The following SLU7 variants were observed in gnomAD, a reference collection of about 807,000 sequenced individuals.
The protein encoded by SLU7 is spliceosome associated SLU7.
A neutral mutation model predicts 87.0 loss-of-function variants in SLU7; 60 were observed. That is an observed-to-expected ratio of 0.69 (90% CI 0.56 to 0.86). The LOEUF is 0.86. Ranked by LOEUF, SLU7 falls within the 40% of genes least tolerant of loss-of-function variation. The pLI is 0.00. For missense variants in SLU7, 507 were observed against 686.6 expected, an observed-to-expected ratio of 0.74 and a Z score of 2.92; for synonymous variants, 197 against 222.0, an observed-to-expected ratio of 0.89 and a Z score of 1.00.
chr5:160,417,581 A>C (rs1765507408), intron 1 of SLU7, among the ~76,000 whole-genome samples: 1 of 152,138 alleles, frequency 6.6e-6, no homozygotes, highest in Admixed American at 6.5e-5. Flanking sequence ...TGAGGTAAGG[A>C]GTTTGAGACC....
intron 5 of SLU7, among the ~76,000 whole-genome samples, chr5:160,412,968 GA>G: frequency 6.6e-6 from 1 of 151,954 alleles, no homozygotes; most frequent in Non-Finnish European, 1.5e-5. Context: ...GTGTGACTAT[GA>G]CTTCAAAGGA....
At chr5:160,411,580 T>C (rs1247500661) in intron 6 of SLU7, among the ~76,000 whole-genome samples, 2 of 152,234 alleles carry the variant, frequency 1.3e-5, no homozygotes, top group African/African-American at 4.8e-5. Context: ...GTAGGTTACC[T>C]TAGTAACTCG....
At position 160,410,906 on chromosome 5, in the gene SLU7, G is replaced by A. The variant is rs146521220; in HGVS notation, c.639+1545C>T. 3.2e-3 allele frequency among the ~76,000 whole-genome samples: 482 copies of A among 148,532 alleles called. 1 individual carries two copies. Among genetic ancestry groups the A allele is most frequent in the Middle Eastern group, 0.01 (3 of 286 alleles). The stretch of plus-strand genomic sequence containing the variant: ...TTTTGAGACGGAGTCTCACTCTGTC[G>A]CCCAGGCTGGAGTGCAGCGGCATGA... On this transcript the variant is annotated intron_variant, in intron 6 of 15. Coordinates refer to ENST00000297151, the MANE Select transcript of SLU7 (RefSeq NM_006425.5).
chr5:160,416,878 A>G (rs1381797145), intron 1 of SLU7, among the ~76,000 whole-genome samples: 2 of 152,184 alleles, frequency 1.3e-5, no homozygotes, highest in Non-Finnish European at 2.9e-5. Flanking sequence ...TACTCCTGTA[A>G]TTCCCAAGTG....
At chr5:160,408,113 A>G in intron 8 of SLU7, 45 bp from the exon 9 acceptor site, 1 of 1,403,952 alleles carries the variant, frequency 7.1e-7, no homozygotes. Flanking sequence ...ACTCACAGCA[A>G]AAAGATTTCA....
At position 160,413,520 on chromosome 5, in the gene SLU7, C is replaced by T. The variant is rs371026275; in HGVS notation, c.506G>A (p.Arg169Gln). The T allele has an allele frequency of 2.3e-5, 37 of 1,613,952 alleles. No individual in the cohort carries two copies. The highest frequency in any genetic ancestry group is 3.3e-5 in the Admixed American group (2 of 60,012). The change falls in exon 5 of 16, where the codon CGG (arginine) becomes CAG (glutamine). Residue 169 changes from arginine (R) to glutamine (Q), a missense_variant. Around this residue, in one of 6 missense-constraint regions of SLU7, gnomAD observed 155 missense variants for 154.4 expected, o/e 1.00. Transcript: ENST00000297151. ...LMFDYDGKRDRWNGYNPEEHM... is the reference protein window; with the variant it reads ...LMFDYDGKRDQWNGYNPEEHM... ...TTCTTCTGGATTGTAGCCATTCCAC[C>T]GATCCCTCTTCCCATCATAGTCAAA...
At chr5:160,414,499 ATTTAAGGATAAAATTGG>A in intron 2 of SLU7, 27 bp from the exon 3 acceptor site, 1 of 1,368,702 alleles carries the variant, frequency 7.3e-7, no homozygotes, top group Non-Finnish European at 9.9e-7. Context: ...AAAAAAAAAA[ATTTAAGGATAAAATTGG>A]AAAATAATCA....
intron 14 of SLU7, 35 bp from the exon 15 acceptor site, chr5:160,404,591 G>T (rs1764925020): frequency 2.8e-6 from 4 of 1,408,482 alleles, no homozygotes; most frequent in Non-Finnish European, 4.0e-6. Context: ...TGTTATTAAT[G>T]TGAAAACAAA....
chr5:160,405,272 A>C, intron 12 of SLU7, 137 bp from the exon 13 acceptor site: 2 of 625,838 alleles, frequency 3.2e-6, no homozygotes, highest in Non-Finnish European at 5.6e-6. Context: ...AAGGCTGGCT[A>C]ACAGGGAGAA....
intron 6 of SLU7, among the ~76,000 whole-genome samples, chr5:160,411,161 C>A (rs538108670): frequency 6.6e-6 from 1 of 152,096 alleles, no homozygotes; most frequent in South Asian, 2.1e-4. Flanking sequence ...CCACCGCGCC[C>A]GGCCGGCAAA....
At chr5:160,411,739 CTA>C (rs1765247859) in intron 6 of SLU7, among the ~76,000 whole-genome samples, 1 of 151,754 alleles carries the variant, frequency 6.6e-6, no homozygotes, top group Non-Finnish European at 1.5e-5. Flanking sequence ...CTTGACAACT[CTA>C]ATATGCATAA....
chr5:160,405,078 A>G lies in SLU7; in HGVS notation c.1345T>C (p.Phe449Leu), dbSNP rs753870573. ...CCAGTACAATAGGAATACTTGAAAA[A>G]AGAGTGACAGCATTTGTATCCCCAT... ...GRWGYKCCHS[F>L]FKYSYCTGEA... is the part of the protein sequence containing the mutation. Residue 449 changes from phenylalanine to leucine, a missense_variant, in exon 13 of 16, where the codon TTT (phenylalanine) becomes CTT (leucine). Phe to Leu is a conservative substitution (Grantham distance 22). This residue lies in a region of SLU7 where 201 missense variants were observed against 213.4 expected (regional missense o/e 0.94). Coordinates refer to ENST00000297151, the MANE Select transcript of SLU7 (RefSeq NM_006425.5). The G allele has an allele frequency of 3.1e-6, 5 of 1,613,966 alleles. No homozygotes were observed. The South Asian group carries it at 4.4e-5, about 14-fold the overall frequency.
intron 1 of SLU7, among the ~76,000 whole-genome samples, chr5:160,418,133 A>C (rs1765535023): frequency 6.6e-6 from 1 of 152,246 alleles, no homozygotes; most frequent in South Asian, 2.1e-4. Flanking sequence ...TTTGTGTAAC[A>C]TATAAACTGA....
At chr5:160,404,091 C>T (rs151131522) in intron 15 of SLU7, among the ~76,000 whole-genome samples, 3 of 152,242 alleles carry the variant, frequency 2.0e-5, no homozygotes, top group African/African-American at 7.2e-5. Context: ...CTGGCAAGAA[C>T]GGTGGCTCAT....
intron 12 of SLU7, 67 bp from the exon 13 acceptor site, chr5:160,405,202 T>A: frequency 9.2e-7 from 1 of 1,089,906 alleles, no homozygotes; most frequent in Non-Finnish European, 1.4e-6. Context: ...ATACTGTTGA[T>A]AAGAGTATAA....
chr5:160,409,271 G>A (rs12515175), intron 6 of SLU7, among the ~76,000 whole-genome samples: 4,899 of 152,114 alleles, frequency 0.032, 121 homozygotes, highest in Non-Finnish European at 0.045. Context: ...GTAATTTAAG[G>A]AGAGGCCAAA....
intron 6 of SLU7, among the ~76,000 whole-genome samples, chr5:160,411,016 C>T (rs1245452140): frequency 6.6e-6 from 1 of 151,862 alleles, no homozygotes; most frequent in Non-Finnish European, 1.5e-5. Context: ...CAGGCGCCCG[C>T]CACCGCGACT....
chr5:160,413,049 A>G (rs1406311762), intron 5 of SLU7, among the ~76,000 whole-genome samples: 2 of 152,208 alleles, frequency 1.3e-5, no homozygotes, highest in African/African-American at 4.8e-5. Flanking sequence ...AAATTTTCTG[A>G]AACAAATTAT....
intron 3 of SLU7, 161 bp downstream of exon 3, chr5:160,414,158 T>A: frequency 2.8e-6 from 2 of 718,174 alleles, no homozygotes; most frequent in Non-Finnish European, 4.4e-6. Context: ...AAAATTTATA[T>A]AAGAAACACA....
Sources: gnomAD v4.1 joint callset for allele counts (sites outside exome capture counted in the v4.1 genomes callset) on GRCh38, gnomAD v4.1.1 for gene constraint, gnomAD v4.1.1 regional missense constraint, MANE v1.5 for transcripts, NCBI Gene and HGNC (gene_info 2026-07-23, HGNC 2026-07-21) for gene names.